Variants in RUNDC3B observed in about 807,000 individuals in gnomAD.
RUNDC3B encodes RUN domain containing 3B.
A neutral mutation model predicts 58.4 loss-of-function variants in RUNDC3B; 33 were observed. The ratio of observed to expected loss-of-function variants is 0.56; its 90% CI spans 0.43 to 0.75. The LOEUF (loss-of-function observed/expected upper bound fraction) is 0.75, where lower values mean the gene tolerates loss of function less well. Ranked by LOEUF, RUNDC3B falls within the 30% of genes least tolerant of loss-of-function variation. The probability of loss-of-function intolerance (pLI) is 0.00; values close to 1 mark genes in which losing one functional copy is unlikely to be tolerated. For synonymous variants in RUNDC3B, 193 were observed against 195.2 expected (o/e 0.99, Z 0.10); for missense variants, 501 against 535.7 (o/e 0.94, Z 0.64).
At chr7:87,657,686 G>A (rs1341085230) in intron 2 of RUNDC3B, among the ~76,000 whole-genome samples, 1 of 152,132 alleles carries the variant, frequency 6.6e-6, no homozygotes, top group African/African-American at 2.4e-5. Flanking sequence ...CTGGGGTGGG[G>A]TCAGAAGAGG....
At chr7:87,718,981 CTAAAT>C (rs895034129) in intron 4 of RUNDC3B, among the ~76,000 whole-genome samples, 5 of 151,842 alleles carry the variant, frequency 3.3e-5, no homozygotes, top group African/African-American at 9.7e-5. Flanking sequence ...AGTAATAAAA[CTAAAT>C]TAAAATAAAA....
intron 8 of RUNDC3B, among the ~76,000 whole-genome samples, chr7:87,795,627 C>G (rs1362062014): frequency 6.6e-6 from 1 of 151,298 alleles, no homozygotes; most frequent in Non-Finnish European, 1.5e-5. Flanking sequence ...CCTGTAATCC[C>G]AACACTTTAG....
At position 87,683,726 on chromosome 7, in the gene RUNDC3B, G is replaced by A. The variant is rs531889370; in HGVS notation, c.239-16695G>A. ...AGATACAATAATAATGAAAAAGTTTGAAATACTGTGAGAATTACCAAAACA... is the reference window on the plus strand; with the variant it reads ...AGATACAATAATAATGAAAAAGTTTAAAATACTGTGAGAATTACCAAAACA... On this transcript the variant is annotated intron_variant, in intron 2 of 10. Transcript: ENST00000394654. Among the ~76,000 whole-genome samples the A allele has an allele frequency of 1.5e-3, 234 of 152,268 alleles. 1 individual carries two copies. Among genetic ancestry groups the A allele is most frequent in the African/African-American group, 5.6e-3 (231 of 41,550 alleles).
intron 8 of RUNDC3B, among the ~76,000 whole-genome samples, chr7:87,801,560 C>A (rs1836157164): frequency 6.6e-6 from 1 of 151,824 alleles, no homozygotes; most frequent in Non-Finnish European, 1.5e-5. Flanking sequence ...AAGTTTGAGA[C>A]CAGCCTGGCC....
intron 6 of RUNDC3B, among the ~76,000 whole-genome samples, chr7:87,768,478 C>T (rs373281804): frequency 1.1e-4 from 16 of 152,212 alleles, no homozygotes; most frequent in African/African-American, 2.2e-4. Context: ...CAACGAGTAT[C>T]GCACCCACTG....
At chr7:87,669,015 G>A (rs1304076686) in intron 2 of RUNDC3B, among the ~76,000 whole-genome samples, 1 of 151,954 alleles carries the variant, frequency 6.6e-6, no homozygotes, top group Admixed American at 6.6e-5. Context: ...GTTGAGTGTA[G>A]ATCCTGAATA....
intron 9 of RUNDC3B, among the ~76,000 whole-genome samples, chr7:87,812,011 G>A (rs1313789532): frequency 6.6e-6 from 1 of 152,076 alleles, no homozygotes. Flanking sequence ...CTCCTTCTAT[G>A]TATCACACTG....
At chr7:87,715,089 A>G (rs1830438520) in intron 4 of RUNDC3B, among the ~76,000 whole-genome samples, 1 of 150,524 alleles carries the variant, frequency 6.6e-6, no homozygotes, top group Admixed American at 6.7e-5. Flanking sequence ...ACTGTGAGCA[A>G]AAAGTTTGAC....
At chr7:87,744,322 A>G (rs1236372747) in intron 6 of RUNDC3B, among the ~76,000 whole-genome samples, 1 of 152,062 alleles carries the variant, frequency 6.6e-6, no homozygotes, top group African/African-American at 2.4e-5. Flanking sequence ...TATGAATTTT[A>G]GAATTTTTTT....
chr7:87,708,551 G>A (rs535657294), intron 3 of RUNDC3B, among the ~76,000 whole-genome samples: 1 of 152,102 alleles, frequency 6.6e-6, no homozygotes, highest in East Asian at 1.9e-4. Flanking sequence ...TCTTCTTATG[G>A]GTTTTTAAGA....
chr7:87,672,560 C>A (rs1174452616), intron 2 of RUNDC3B, among the ~76,000 whole-genome samples: 1 of 152,180 alleles, frequency 6.6e-6, no homozygotes. Flanking sequence ...AGGGGTCCAG[C>A]CTTCCACTTT....
At chr7:87,677,858 A>G (rs376909376) in intron 2 of RUNDC3B, among the ~76,000 whole-genome samples, 6 of 152,232 alleles carry the variant, frequency 3.9e-5, no homozygotes, top group Non-Finnish European at 7.3e-5. Flanking sequence ...GGTTTTCAAC[A>G]GGAACCATGG....
At chr7:87,748,981 G>C (rs1261011946) in intron 6 of RUNDC3B, among the ~76,000 whole-genome samples, 1 of 152,156 alleles carries the variant, frequency 6.6e-6, no homozygotes, top group Non-Finnish European at 1.5e-5. Flanking sequence ...GGATTACTAG[G>C]CACCGCTGTC....
At chr7:87,695,277 C>G (rs1563140320) in intron 2 of RUNDC3B, among the ~76,000 whole-genome samples, 1 of 152,024 alleles carries the variant, frequency 6.6e-6, no homozygotes, top group Non-Finnish European at 1.5e-5. Context: ...TAAACCTCAA[C>G]TAATAATAGT....
chr7:87,709,486 G>T, intron 3 of RUNDC3B: 2 of 985,442 alleles, frequency 2.0e-6, no homozygotes, highest in Non-Finnish European at 2.4e-6. Flanking sequence ...CACAGGGCAA[G>T]CTAAAAGGGA....
chr7:87,831,599 C>A lies in RUNDC3B; in HGVS notation c.*1569C>A, dbSNP rs1335853440. On this transcript the variant is annotated 3_prime_UTR_variant, in exon 11 of 11. Coordinates refer to ENST00000394654, the MANE Select transcript of RUNDC3B (RefSeq NM_001134405.2). ...ATGCAAATATTCTTGAGAAATGATA[C>A]ATTTTTTGTTCTCAATTTCTCAATT... is the stretch of plus-strand genomic sequence containing the variant. The A allele has an allele frequency of 6.6e-6, 1 of 151,844 alleles. No individual in the cohort carries two copies. The allele number at this position is 151,844 out of a possible 1,614,324, so 9.4% of individuals were successfully genotyped here. A position where few individuals can be genotyped will look rare whatever the true frequency, so the allele number is the denominator to read the frequency against.
At chr7:87,664,177 G>A (rs6465117) in intron 2 of RUNDC3B, among the ~76,000 whole-genome samples, 14,081 of 151,828 alleles carry the variant, frequency 0.093, 771 homozygotes, top group African/African-American at 0.15. Context: ...AATATACAGG[G>A]TAGCCAGGCA....
intron 2 of RUNDC3B, among the ~76,000 whole-genome samples, chr7:87,671,295 A>G (rs1825803834): frequency 6.6e-6 from 1 of 152,148 alleles, no homozygotes; most frequent in Non-Finnish European, 1.5e-5. Flanking sequence ...GCAAGGGCAG[A>G]TCCACTGCAG....
At chr7:87,648,133 C>G (rs1235208711) in intron 1 of RUNDC3B, among the ~76,000 whole-genome samples, 1 of 139,324 alleles carries the variant, frequency 7.2e-6, no homozygotes, top group Non-Finnish European at 1.5e-5. Flanking sequence ...TACAGTGAGC[C>G]AAGATCACAC....
Sources: gnomAD v4.1 joint callset for allele counts (sites outside exome capture counted in the v4.1 genomes callset) on GRCh38, gnomAD v4.1.1 for gene constraint, MANE v1.5 for transcripts, NCBI Gene and HGNC (gene_info 2026-07-23, HGNC 2026-07-21) for gene names.